Variants in ACAP2 observed in about 807,000 individuals in gnomAD.
The protein encoded by ACAP2 is ArfGAP with coiled-coil, ankyrin repeat and PH domains 2.
Under a neutral mutation model 115.8 loss-of-function variants are expected in ACAP2, and 39 were observed. The observed-to-expected ratio is 0.34, with a 90% CI of 0.26 to 0.44. ACAP2 has a LOEUF of 0.44. Among genes scored for constraint, ACAP2 ranks in the 20% least tolerant of loss-of-function variants. ACAP2 has a pLI of 1.00. For synonymous variants in ACAP2, 289 were observed against 315.8 expected (o/e 0.92, Z 0.90); for missense variants, 662 against 927.6 (o/e 0.71, Z 3.72).
At chr3:195,344,798 C>T (rs540609158) in intron 5 of ACAP2, among the ~76,000 whole-genome samples, 30 of 152,154 alleles carry the variant, frequency 2.0e-4, no homozygotes, top group Non-Finnish European at 4.1e-4. Context: ...GGATTACAGG[C>T]GTGAGCCACT....
At chr3:195,376,572 T>C (rs1018659891) in intron 4 of ACAP2, among the ~76,000 whole-genome samples, 1 of 151,752 alleles carries the variant, frequency 6.6e-6, no homozygotes, top group Non-Finnish European at 1.5e-5. Context: ...CAAAAACATA[T>C]GAGTTAAAGA....
chr3:195,398,035 A>G (rs1329453347), intron 1 of ACAP2, among the ~76,000 whole-genome samples: 1 of 152,202 alleles, frequency 6.6e-6, no homozygotes. Flanking sequence ...AGAGACAAAA[A>G]CACAATACTG....
intron 4 of ACAP2, among the ~76,000 whole-genome samples, chr3:195,351,607 G>GC (rs1440670144): frequency 1.3e-5 from 2 of 151,466 alleles, no homozygotes; most frequent in African/African-American, 2.4e-5. Context: ...GACCACAGGC[G>GC]CCCCCCACCA....
At chr3:195,360,001 T>A (rs1271940946) in intron 4 of ACAP2, among the ~76,000 whole-genome samples, 1 of 151,842 alleles carries the variant, frequency 6.6e-6, no homozygotes, top group Admixed American at 6.6e-5. Context: ...AGAAAACAAA[T>A]AACAACATGG....
chr3:195,420,940 G>A (rs2108833041), intron 1 of ACAP2, among the ~76,000 whole-genome samples: 1 of 152,180 alleles, frequency 6.6e-6, no homozygotes, highest in East Asian at 1.9e-4. Context: ...CGCCGCACCT[G>A]GCCCTATTGC....
intron 4 of ACAP2, chr3:195,356,223 G>A: frequency 4.4e-6 from 2 of 456,344 alleles, no homozygotes; most frequent in South Asian, 1.5e-5. Flanking sequence ...GGGACTACAA[G>A]CCGGAACGCA....
rs933618671 is a variant in ACAP2, at chr3:195,381,002, C to A, written c.285+7G>T. 1.3e-6 allele frequency: 2 copies of A among 1,594,974 alleles called. No individual in the cohort carries two copies. Among genetic ancestry groups the A allele is most frequent in the Admixed American group, 1.9e-5 (1 of 53,678 alleles). Reference sequence around the variant, plus strand: ...GGTCATAGTAACACCTACTTACTGACACTTACTGTGTGAAAATTTATCATT... The same window carrying A: ...GGTCATAGTAACACCTACTTACTGAAACTTACTGTGTGAAAATTTATCATT... On this transcript the variant is annotated splice_region_variant and intron_variant, in intron 4 of 22. Transcript: ENST00000326793.
chr3:195,369,776 T>C (rs1732993412), intron 4 of ACAP2, among the ~76,000 whole-genome samples: 1 of 152,228 alleles, frequency 6.6e-6, no homozygotes, highest in Non-Finnish European at 1.5e-5. Flanking sequence ...ATATACCTTG[T>C]AATGGGATTG....
chr3:195,354,664 A>C (rs1731836249), intron 4 of ACAP2, among the ~76,000 whole-genome samples: 1 of 152,200 alleles, frequency 6.6e-6, no homozygotes, highest in Non-Finnish European at 1.5e-5. Context: ...ATTGTGCAGA[A>C]ACTCTTTAAT....
chr3:195,328,582 A>C (rs958602464), intron 8 of ACAP2, among the ~76,000 whole-genome samples: 21 of 152,212 alleles, frequency 1.4e-4, no homozygotes, highest in African/African-American at 4.6e-4. Context: ...ATATACTCTC[A>C]CAGAAGTTTC....
intron 2 of ACAP2, among the ~76,000 whole-genome samples, chr3:195,387,183 T>G (rs925527761): frequency 6.6e-6 from 1 of 152,188 alleles, no homozygotes; most frequent in Non-Finnish European, 1.5e-5. Context: ...TAGATGACAC[T>G]GATAAATGAG....
At chr3:195,338,868 T>C (rs978915149) in intron 6 of ACAP2, among the ~76,000 whole-genome samples, 1 of 151,602 alleles carries the variant, frequency 6.6e-6, no homozygotes, top group Non-Finnish European at 1.5e-5. Context: ...TTTTATCAAA[T>C]AATTTTAAAG....
chr3:195,350,187 T>G (rs1731459175), intron 4 of ACAP2, among the ~76,000 whole-genome samples: 2 of 152,178 alleles, frequency 1.3e-5, no homozygotes. Flanking sequence ...TCAACGCAAT[T>G]CCACTCCAAA....
chr3:195,363,640 CACACACAA>C (rs1458730127), intron 4 of ACAP2, among the ~76,000 whole-genome samples: 1 of 138,250 alleles, frequency 7.2e-6, no homozygotes, highest in African/African-American at 2.7e-5. Context: ...CACACACACA[CACACACAA>C]AAACAGAATA....
At chr3:195,350,951 C>G (rs182826196) in intron 4 of ACAP2, among the ~76,000 whole-genome samples, 3 of 151,726 alleles carry the variant, frequency 2.0e-5, no homozygotes, top group Admixed American at 2.0e-4. Context: ...CATTTCCTAA[C>G]AGAACACAAA....
chr3:195,362,945 A>G (rs550568363), intron 4 of ACAP2, among the ~76,000 whole-genome samples: 1 of 152,338 alleles, frequency 6.6e-6, no homozygotes, highest in South Asian at 2.1e-4. Context: ...TTATTATGGA[A>G]GTCCTAAGCT....
At chr3:195,322,067 C>T (rs1361351857) in intron 9 of ACAP2, among the ~76,000 whole-genome samples, 1 of 152,248 alleles carries the variant, frequency 6.6e-6, no homozygotes, top group South Asian at 2.1e-4. Flanking sequence ...CTTCTTCTAG[C>T]GTTCTAATTA....
chr3:195,301,535 G>T, intron 15 of ACAP2, 40 bp downstream of exon 15: 1 of 1,416,288 alleles, frequency 7.1e-7, no homozygotes, highest in Non-Finnish European at 9.9e-7. Context: ...TCACTTTCAT[G>T]TGAAAATATG....
intron 1 of ACAP2, among the ~76,000 whole-genome samples, chr3:195,417,956 T>C (rs1411836479): frequency 1.3e-5 from 2 of 151,558 alleles, no homozygotes; most frequent in East Asian, 1.9e-4. Context: ...AAAAAAAAGA[T>C]AGTATCACCT....
Sources: allele counts gnomAD v4.1 joint callset (sites outside exome capture counted in the v4.1 genomes callset), GRCh38; gene constraint gnomAD v4.1.1; transcripts MANE v1.5; gene names NCBI Gene and HGNC (gene_info 2026-07-23, HGNC 2026-07-21).